The following CNTNAP2 variants were observed in gnomAD, a reference collection of about 807,000 sequenced individuals.
CNTNAP2 encodes the protein contactin-associated protein-like 2.
In CNTNAP2, 98 loss-of-function variants were observed where a neutral mutation model predicts 155.2. That is an observed-to-expected ratio of 0.63 (90% CI 0.54 to 0.75). CNTNAP2 has a LOEUF of 0.75. Ranked by LOEUF, CNTNAP2 falls within the 30% of genes least tolerant of loss-of-function variation. The pLI, the probability that CNTNAP2 is intolerant of heterozygous loss-of-function variation, is 0.00. For missense variants in CNTNAP2, 1,727 were observed against 1,688.1 expected, an observed-to-expected ratio of 1.02 and a Z score of -0.40; for synonymous variants, 651 against 631.2, an observed-to-expected ratio of 1.03 and a Z score of -0.47.
At chr7:147,239,362 T>G (rs1803888145) in intron 8 of CNTNAP2, among the ~76,000 whole-genome samples, 1 of 151,708 alleles carries the variant, frequency 6.6e-6, no homozygotes, top group African/African-American at 2.4e-5. Context: ...AATACAAAAT[T>G]AGCTGGGTGT....
At chr7:146,167,807 A>G (rs1023762020) in intron 1 of CNTNAP2, among the ~76,000 whole-genome samples, 4 of 152,166 alleles carry the variant, frequency 2.6e-5, no homozygotes, top group East Asian at 1.9e-4. Context: ...CACGATCACA[A>G]GGTGAAGTCT....
At chr7:148,149,362 G>T (rs1218607029) in intron 17 of CNTNAP2, among the ~76,000 whole-genome samples, 1 of 152,096 alleles carries the variant, frequency 6.6e-6, no homozygotes, top group Non-Finnish European at 1.5e-5. Flanking sequence ...AAGGGCCTGA[G>T]ATCAGAATTC....
chr7:147,576,767 T>C (rs1172100965), intron 12 of CNTNAP2, among the ~76,000 whole-genome samples: 1 of 151,706 alleles, frequency 6.6e-6, no homozygotes, highest in Non-Finnish European at 1.5e-5. Context: ...TGTAACAAAA[T>C]AGCAGGTTTT....
Position 147,065,183 on chromosome 7 carries a change from T to A in CNTNAP2, c.550+21129T>A, listed in dbSNP as rs1365437473. Among the ~76,000 whole-genome samples the A allele has an allele frequency of 3.3e-5, 5 of 152,326 alleles. No individual in the cohort carries two copies. The East Asian group carries it at 9.6e-4, about 29-fold the overall frequency. ...AGTCATTGACCTTTTTGGAGCTCAG[T>A]TTCCTATATGTAAGGTGAATGTGAT... is the stretch of plus-strand genomic sequence containing the variant. On this transcript the variant is annotated intron_variant, in intron 4 of 23. Transcript: ENST00000361727.
Position 147,734,219 on chromosome 7 carries a change from G to C in CNTNAP2, c.2098+94913G>C, listed in dbSNP as rs559190294. Reference sequence around the variant, plus strand: ...ATACCTAATTTATTGAGAGTTTTTAGCATGAAGGGCTATTGAATTTTGTCA... The same window carrying C: ...ATACCTAATTTATTGAGAGTTTTTACCATGAAGGGCTATTGAATTTTGTCA... On this transcript the variant is annotated intron_variant, in intron 13 of 23. Coordinates refer to ENST00000361727, the MANE Select transcript of CNTNAP2 (RefSeq NM_014141.6). 1.9e-4 allele frequency among the ~76,000 whole-genome samples: 29 copies of C among 152,256 alleles called. No individual in the cohort carries two copies. In the East Asian group the frequency reaches 5.0e-3, roughly 26 times the overall value.
rs192337281 is a variant in CNTNAP2, at chr7:146,597,606, A to G, written c.98-176665A>G. ...CCTTTGTCTTCCCAGAACCTTAGTT[A>G]TATTTAGCAATGTTATTTCACAATT... On this transcript the variant is annotated intron_variant, in intron 1 of 23. Transcript: ENST00000361727. Among the ~76,000 whole-genome samples, 15 of 152,170 alleles carry G rather than the reference A, an allele frequency of 9.9e-5. No individual in the cohort carries two copies. The East Asian group carries it at 2.3e-3, about 24-fold the overall frequency.
chr7:146,392,891 C>G (rs947134444), intron 1 of CNTNAP2, among the ~76,000 whole-genome samples: 15 of 152,044 alleles, frequency 9.9e-5, no homozygotes, highest in African/African-American at 3.6e-4. Context: ...AAGAAAGTGA[C>G]TGCTGAGTAA....
chr7:147,107,373 T>C (rs1025702797), intron 4 of CNTNAP2, among the ~76,000 whole-genome samples: 8 of 152,266 alleles, frequency 5.3e-5, no homozygotes, highest in Admixed American at 5.2e-4. Context: ...TTACATACTT[T>C]CCTTATTTTA....
At chr7:147,400,377 T>A (rs531778272) in intron 10 of CNTNAP2, among the ~76,000 whole-genome samples, 1 of 152,318 alleles carries the variant, frequency 6.6e-6, no homozygotes, top group African/African-American at 2.4e-5. Flanking sequence ...ATCTGATAGT[T>A]GGCCTCAGAA....
At chr7:147,510,511 A>G (rs1374170870) in intron 11 of CNTNAP2, among the ~76,000 whole-genome samples, 2 of 152,028 alleles carry the variant, frequency 1.3e-5, no homozygotes, top group Admixed American at 6.6e-5. Flanking sequence ...TTCTGAATCA[A>G]TCATTTCAGA....
chr7:146,464,185 C>CTTTTTTTTTTT (rs1554437059), intron 1 of CNTNAP2, among the ~76,000 whole-genome samples: 1 of 90,882 alleles, frequency 1.1e-5, no homozygotes, highest in African/African-American at 3.6e-5. Flanking sequence ...TCCTTTGAAA[C>CTTTTTTTTTTT]TGTTTTTTTT....
intron 1 of CNTNAP2, among the ~76,000 whole-genome samples, chr7:146,280,822 A>G (rs543792223): frequency 1.4e-4 from 22 of 152,282 alleles, no homozygotes; most frequent in African/African-American, 5.3e-4. Context: ...TCTTTGCTAC[A>G]GTGCTTGCTG....
Position 147,497,903 on chromosome 7 carries a change from TTTAAA to T in CNTNAP2, c.1777+11867_1777+11871del, listed in dbSNP as rs1251265835. On this transcript the variant is annotated intron_variant, in intron 11 of 23. Coordinates refer to ENST00000361727, the MANE Select transcript of CNTNAP2 (RefSeq NM_014141.6). ...GCACTATTTTTCTTTTGTATAGTTC[TTTAAA>T]TTAAGCTGACTTAATTAAGCTCTGT... Among the ~76,000 whole-genome samples, 3 of 152,342 alleles carry T rather than the reference TTTAAA, an allele frequency of 2.0e-5. No homozygotes were observed. In the East Asian group the frequency reaches 5.8e-4, roughly 29 times the overall value.
At chr7:147,764,922 G>C (rs1797360787) in intron 13 of CNTNAP2, among the ~76,000 whole-genome samples, 1 of 152,122 alleles carries the variant, frequency 6.6e-6, no homozygotes, top group Non-Finnish European at 1.5e-5. Flanking sequence ...CAGAAACTTA[G>C]AAATAATAAA....
chr7:148,174,053 G>A (rs1183612039), intron 18 of CNTNAP2, among the ~76,000 whole-genome samples: 1 of 152,234 alleles, frequency 6.6e-6, no homozygotes, highest in Non-Finnish European at 1.5e-5. Context: ...AATGACGCCT[G>A]TGTGTTGCCT....
At chr7:146,383,918 G>A (rs899900832) in intron 1 of CNTNAP2, among the ~76,000 whole-genome samples, 2 of 152,114 alleles carry the variant, frequency 1.3e-5, no homozygotes, top group East Asian at 1.9e-4. Context: ...AGCATAATAA[G>A]TATCAATGAA....
chr7:147,369,471 A>G (rs1272238666), intron 9 of CNTNAP2, among the ~76,000 whole-genome samples: 2 of 152,216 alleles, frequency 1.3e-5, no homozygotes, highest in Non-Finnish European at 2.9e-5. Context: ...ATGTACGATG[A>G]ATTCTATAGT....
chr7:147,549,509 A>T (rs1293559480), intron 11 of CNTNAP2, among the ~76,000 whole-genome samples: 1 of 152,130 alleles, frequency 6.6e-6, no homozygotes, highest in Non-Finnish European at 1.5e-5. Context: ...GGCTGAGATG[A>T]TGGGGTTTTC....
At chr7:147,935,760 C>G (rs907903103) in intron 14 of CNTNAP2, among the ~76,000 whole-genome samples, 1 of 151,974 alleles carries the variant, frequency 6.6e-6, no homozygotes, top group African/African-American at 2.4e-5. Flanking sequence ...TATTATCTTT[C>G]ATTTATATGA....
Sources: allele counts gnomAD v4.1 joint callset (sites outside exome capture counted in the v4.1 genomes callset), GRCh38; gene constraint gnomAD v4.1.1; transcripts MANE v1.5; gene names NCBI Gene and HGNC (gene_info 2026-07-23, HGNC 2026-07-21).